The following CPE variants were observed in gnomAD, a reference collection of about 807,000 sequenced individuals.
CPE encodes carboxypeptidase E, also known as carbocypeptidase E.
In CPE, 17 loss-of-function variants were observed where a neutral mutation model predicts 53.5. The ratio of observed to expected loss-of-function variants is 0.32; its 90% CI spans 0.22 to 0.48. The LOEUF is 0.48. Ranked by LOEUF, CPE falls within the 20% of genes least tolerant of loss-of-function variation. The pLI, the probability that CPE is intolerant of heterozygous loss-of-function variation, is 0.99. For missense variants in CPE, 524 were observed against 614.7 expected (o/e 0.85, Z 1.56); for synonymous variants, 226 against 228.8 (o/e 0.99, Z 0.11).
intron 3 of CPE, among the ~76,000 whole-genome samples, chr4:165,477,337 G>T (rs1732322708): frequency 2.6e-5 from 4 of 152,100 alleles, no homozygotes; most frequent in Admixed American, 1.3e-4. Flanking sequence ...TTTCATAAAG[G>T]TAAATTAAAG....
At chr4:165,471,707 C>A (rs1368904798) in intron 3 of CPE, among the ~76,000 whole-genome samples, 1 of 152,184 alleles carries the variant, frequency 6.6e-6, no homozygotes, top group Non-Finnish European at 1.5e-5. Context: ...CCTAAATAAC[C>A]TGGGGCTCCT....
chr4:165,448,815 A>G (rs1731759810), intron 1 of CPE, among the ~76,000 whole-genome samples: 1 of 152,200 alleles, frequency 6.6e-6, no homozygotes, highest in Non-Finnish European at 1.5e-5. Flanking sequence ...GAAGGCCAGC[A>G]TGGAAGAGGT....
rs1159416676 is a variant in CPE at position 165,379,912 on chromosome 4, A to G, written c.307+384A>G. On this transcript the variant is annotated intron_variant, in intron 1 of 8. Coordinates refer to ENST00000402744, the MANE Select transcript of CPE (RefSeq NM_001873.4). This position sits in a 1 kb window ranked among gnomAD's most constrained non-coding sequence, Gnocchi z 6.0. ...CTCACTTTGCTGTGTGAAAAACCCAAAGGAATGATTGCGAGTCCCCCGCAA... is the reference window on the plus strand; with the variant it reads ...CTCACTTTGCTGTGTGAAAAACCCAGAGGAATGATTGCGAGTCCCCCGCAA... 6.6e-6 allele frequency among the ~76,000 whole-genome samples: 1 copy of G among 152,314 alleles called. No homozygotes were observed. Among genetic ancestry groups the G allele is most frequent in the African/African-American group, 2.4e-5 (1 of 41,572 alleles).
At chr4:165,426,856 A>G (rs1731328429) in intron 1 of CPE, among the ~76,000 whole-genome samples, 1 of 152,226 alleles carries the variant, frequency 6.6e-6, no homozygotes, top group Admixed American at 6.5e-5. Flanking sequence ...ACAAAGGGTG[A>G]GGTTGGAGCA....
At chr4:165,449,497 C>T (rs10222903) in intron 1 of CPE, among the ~76,000 whole-genome samples, 27,972 of 151,712 alleles carry the variant, frequency 0.18, 2,799 homozygotes, top group African/African-American at 0.28. Context: ...GGGAGATGAG[C>T]GATATGTAGA....
At chr4:165,415,929 G>C (rs930154220) in intron 1 of CPE, among the ~76,000 whole-genome samples, 5 of 152,034 alleles carry the variant, frequency 3.3e-5, no homozygotes, top group African/African-American at 1.2e-4. Flanking sequence ...TGTTTGTTTA[G>C]TTAGTTTTCT....
intron 1 of CPE, among the ~76,000 whole-genome samples, chr4:165,461,931 T>C (rs993637841): frequency 5.3e-5 from 8 of 152,220 alleles, no homozygotes; most frequent in Non-Finnish European, 7.3e-5. Flanking sequence ...GCCTTTTCTT[T>C]TGCTATCATA....
At chr4:165,440,007 GATC>G (rs909185318) in intron 1 of CPE, among the ~76,000 whole-genome samples, 4 of 152,174 alleles carry the variant, frequency 2.6e-5, no homozygotes, top group African/African-American at 9.7e-5. Context: ...TTAGCTCAAA[GATC>G]ATCATTTGCA....
intron 6 of CPE, 37 bp downstream of exon 6, chr4:165,487,614 C>CAAGCAT (rs747092802): frequency 6.2e-7 from 1 of 1,611,856 alleles, no homozygotes. Context: ...GCAAGGTTTA[C>CAAGCAT]AAGCATTCAA....
chr4:165,433,539 C>T (rs1356518968), intron 1 of CPE, among the ~76,000 whole-genome samples: 1 of 152,162 alleles, frequency 6.6e-6, no homozygotes, highest in African/African-American at 2.4e-5. Context: ...CAAACTTTTT[C>T]TACAAAGGGC....
intron 1 of CPE, among the ~76,000 whole-genome samples, chr4:165,419,883 A>T (rs1731179306): frequency 6.6e-6 from 1 of 152,226 alleles, no homozygotes; most frequent in Non-Finnish European, 1.5e-5. Context: ...TTAAAAATCT[A>T]AACTCTATTT....
chr4:165,405,160 C>T (rs539581378), intron 1 of CPE: 3 of 770,140 alleles, frequency 3.9e-6, no homozygotes, highest in Non-Finnish European at 4.8e-6. Flanking sequence ...ACACTTGTTG[C>T]TGTCCTCAGC....
intron 3 of CPE, among the ~76,000 whole-genome samples, chr4:165,477,056 G>A (rs1387103018): frequency 2.0e-5 from 3 of 152,200 alleles, no homozygotes; most frequent in Non-Finnish European, 4.4e-5. Flanking sequence ...TGTTAAATCT[G>A]AGAAATGAAG....
intron 1 of CPE, chr4:165,386,261 A>C (rs1477343564): frequency 1.9e-6 from 1 of 522,276 alleles, no homozygotes; most frequent in Non-Finnish European, 3.9e-6. Flanking sequence ...TATAGACAAA[A>C]TACAATCCCG....
intron 1 of CPE, among the ~76,000 whole-genome samples, chr4:165,400,153 T>TA (rs1730842720): frequency 6.6e-6 from 1 of 152,158 alleles, no homozygotes; most frequent in South Asian, 2.1e-4. Context: ...GCTTTTGACA[T>TA]ATTTAGGGAG....
intron 1 of CPE, among the ~76,000 whole-genome samples, chr4:165,456,716 G>A (rs1476965964): frequency 6.8e-6 from 1 of 147,718 alleles, no homozygotes; most frequent in African/African-American, 2.5e-5. Context: ...GGGACTACAG[G>A]CGTGCACCAC....
chr4:165,455,655 AT>A (rs11357652), intron 1 of CPE, among the ~76,000 whole-genome samples: 31,126 of 141,702 alleles, frequency 0.22, 4,005 homozygotes, highest in African/African-American at 0.42. Flanking sequence ...AGTCAAAGGT[AT>A]TTTTTTTTTT....
At chr4:165,428,020 CTT>C (rs933792077) in intron 1 of CPE, among the ~76,000 whole-genome samples, 1 of 143,116 alleles carries the variant, frequency 7.0e-6, no homozygotes, top group African/African-American at 2.6e-5. Context: ...CTCTCTCTCT[CTT>C]TCTTTCCTCT....
chr4:165,409,446 C>T lies in CPE; in HGVS notation c.307+29918C>T, dbSNP rs375286674. On this transcript the variant is annotated intron_variant, in intron 1 of 8. Transcript: ENST00000402744. ...CTCGAACTCCTGGCCTCAAGTGATC[C>T]GCCCGCCTCAGACTCCCGAAGTGCT... Among the ~76,000 whole-genome samples the T allele has an allele frequency of 6.6e-5, 10 of 152,264 alleles. No homozygotes were observed. The South Asian group carries it at 8.3e-4, about 13-fold the overall frequency.
Sources: gnomAD v4.1 joint callset for allele counts (sites outside exome capture counted in the v4.1 genomes callset) on GRCh38, gnomAD v4.1.1 for gene constraint, Gnocchi (gnomAD v3.1) non-coding constraint, MANE v1.5 for transcripts, NCBI Gene and HGNC (gene_info 2026-07-23, HGNC 2026-07-21) for gene names.